CRIM1: variants seen among roughly 807,000 people sequenced by gnomAD.
CRIM1 encodes the protein cysteine-rich motor neuron 1 protein.
CRIM1 carries 32 observed loss-of-function variants against 116.4 expected under a neutral mutation model. The ratio of observed to expected loss-of-function variants is 0.27; its 90% CI spans 0.21 to 0.37. The LOEUF (loss-of-function observed/expected upper bound fraction) is 0.37, where lower values mean the gene tolerates loss of function less well. Ranked by LOEUF, CRIM1 falls within the 10% of genes least tolerant of loss-of-function variation. CRIM1 has a pLI of 1.00. For missense variants in CRIM1, 1,331 were observed against 1,354.8 expected (o/e 0.98, Z 0.28); for synonymous variants, 590 against 509.2 (o/e 1.16, Z -2.13).
intron 1 of CRIM1, among the ~76,000 whole-genome samples, chr2:36,368,210 G>A (rs1460958395): frequency 1.3e-5 from 2 of 152,208 alleles, no homozygotes; most frequent in South Asian, 2.1e-4. Context: ...CTGGCCAAAC[G>A]TGGCATGTTG....
chr2:36,513,817 G>A, intron 11 of CRIM1, 52 bp downstream of exon 11: 1 of 1,524,070 alleles, frequency 6.6e-7, no homozygotes, highest in Non-Finnish European at 9.0e-7. Context: ...CTTCTGCCTT[G>A]CAGGGCCCTA....
chr2:36,529,874 GAAATA>G (rs1360603739), intron 13 of CRIM1, among the ~76,000 whole-genome samples: 2 of 147,526 alleles, frequency 1.4e-5, no homozygotes, highest in Admixed American at 6.7e-5. Context: ...AGAAATAAAT[GAAATA>G]AAATAAAACA....
At chr2:36,462,394 T>C (rs1184574321) in intron 4 of CRIM1, among the ~76,000 whole-genome samples, 1 of 152,180 alleles carries the variant, frequency 6.6e-6, no homozygotes, top group African/African-American at 2.4e-5. Flanking sequence ...GTTGGGAAAA[T>C]AGGTCAAACA....
At chr2:36,529,343 C>A (rs546433012) in intron 13 of CRIM1, 1 of 304,032 alleles carries the variant, frequency 3.3e-6, no homozygotes. Context: ...CCAATGGCTT[C>A]TACGTTAAGG....
intron 8 of CRIM1, among the ~76,000 whole-genome samples, chr2:36,509,311 G>A (rs1681647056): frequency 6.6e-6 from 1 of 152,192 alleles, no homozygotes; most frequent in Non-Finnish European, 1.5e-5. Flanking sequence ...GAGGTCAGGA[G>A]TTCAAGAAGA....
chr2:36,394,270 T>C (rs913069853), intron 1 of CRIM1, among the ~76,000 whole-genome samples: 5 of 152,228 alleles, frequency 3.3e-5, no homozygotes, highest in African/African-American at 1.2e-4. Context: ...ACAAGTTTTT[T>C]TTAATTCCTA....
At chr2:36,390,220 A>T (rs1047085718) in intron 1 of CRIM1, among the ~76,000 whole-genome samples, 1 of 152,238 alleles carries the variant, frequency 6.6e-6, no homozygotes, top group Non-Finnish European at 1.5e-5. Context: ...TTATAAAGCA[A>T]ATAAAAAAAC....
chr2:36,549,298 A>G lies in CRIM1; in HGVS notation c.*597A>G, dbSNP rs1667579718. Reference sequence around the variant, plus strand: ...CTATACAGTCACAACTGCAGTAGGCAGTGAGGAAGCCAGAGAAATGCGATA... The same window carrying G: ...CTATACAGTCACAACTGCAGTAGGCGGTGAGGAAGCCAGAGAAATGCGATA... On this transcript the variant is annotated 3_prime_UTR_variant, in exon 17 of 17. Coordinates refer to ENST00000280527, the MANE Select transcript of CRIM1 (RefSeq NM_016441.3). 1 of 152,710 alleles carries G rather than the reference A, an allele frequency of 6.5e-6. No individual in the cohort carries two copies. 9.5% of individuals were successfully genotyped at this position (152,710 alleles called of 1,614,324 possible). A position where few individuals can be genotyped will look rare whatever the true frequency, so the allele number is the denominator to read the frequency against.
At chr2:36,440,188 T>G (rs1675690205) in intron 2 of CRIM1, among the ~76,000 whole-genome samples, 1 of 152,196 alleles carries the variant, frequency 6.6e-6, no homozygotes, top group Non-Finnish European at 1.5e-5. Context: ...GCCAGGTCAC[T>G]TAAGCTCTGG....
rs183690059 is a variant in CRIM1, at chr2:36,441,153, C to T, written c.506-105C>T. ...GTTTACACTGAATTTCTTTCCCTAC[C>T]GTCCTCTTTGGCTACTTAAATAGAT... On this transcript the variant is annotated intron_variant, in intron 2 of 16. Coordinates refer to ENST00000280527, the MANE Select transcript of CRIM1 (RefSeq NM_016441.3). 3.3e-4 allele frequency: 471 copies of T among 1,442,222 alleles called. 2 individuals carry two copies. In the East Asian group the frequency reaches 7.5e-3, roughly 23 times the overall value. 89.3% of individuals were successfully genotyped at this position (1,442,222 alleles called of 1,614,324 possible).
intron 14 of CRIM1, among the ~76,000 whole-genome samples, 197 bp downstream of exon 14, chr2:36,537,743 G>T (rs1325510798): frequency 2.6e-5 from 4 of 152,218 alleles, no homozygotes. Context: ...GCAGATTTTG[G>T]TTCCATGCCA....
At chr2:36,527,058 G>T (rs1665806490) in intron 13 of CRIM1, among the ~76,000 whole-genome samples, 1 of 152,060 alleles carries the variant, frequency 6.6e-6, no homozygotes, top group Non-Finnish European at 1.5e-5. Flanking sequence ...TTCAAGGTCA[G>T]ATTTTTAAAG....
intron 16 of CRIM1, among the ~76,000 whole-genome samples, chr2:36,547,843 C>G (rs1422104536): frequency 6.6e-6 from 1 of 152,142 alleles, no homozygotes; most frequent in Non-Finnish European, 1.5e-5. Context: ...AATCATAATC[C>G]CTTCCAACTC....
At chr2:36,429,747 A>G (rs912746235) in intron 2 of CRIM1, among the ~76,000 whole-genome samples, 1 of 152,228 alleles carries the variant, frequency 6.6e-6, no homozygotes, top group African/African-American at 2.4e-5. Flanking sequence ...TTAGAAGCAC[A>G]CATCCTGAGG....
Position 36,542,025 on chromosome 2 carries a change from A to ATGAC in CRIM1, c.2624-2349_2624-2346dup, listed in dbSNP as rs1470873972. On this transcript the variant is annotated intron_variant, in intron 14 of 16. Coordinates refer to ENST00000280527, the MANE Select transcript of CRIM1 (RefSeq NM_016441.3). ...CCTTTTATGTTCAAATTAAAGGGAAATGACTCTCTTCCCTTGGACTTGAGG... is the reference window on the plus strand; with the variant it reads ...CCTTTTATGTTCAAATTAAAGGGAAATGACTGACTCTCTTCCCTTGGACTTGAGG... 3.9e-5 allele frequency among the ~76,000 whole-genome samples: 6 copies of ATGAC among 152,334 alleles called. No individual in the cohort carries two copies. The East Asian group carries it at 9.7e-4, about 25-fold the overall frequency.
chr2:36,534,444 GGAGA>G (rs1666367545), intron 13 of CRIM1, among the ~76,000 whole-genome samples: 1 of 141,824 alleles, frequency 7.1e-6, no homozygotes, highest in East Asian at 2.1e-4. Context: ...AGGAAGGGAG[GGAGA>G]GAGGGAGGGG....
intron 4 of CRIM1, among the ~76,000 whole-genome samples, chr2:36,462,204 C>G (rs1677633500): frequency 6.6e-6 from 1 of 151,444 alleles, no homozygotes; most frequent in African/African-American, 2.4e-5. Context: ...TTGTAAGGGA[C>G]TTTAAAAAAA....
intron 2 of CRIM1, among the ~76,000 whole-genome samples, chr2:36,435,218 G>A (rs1675209355): frequency 6.6e-6 from 1 of 152,106 alleles, no homozygotes; most frequent in Admixed American, 6.5e-5. Flanking sequence ...TTGACTTTGT[G>A]TTCTACCTAC....
chr2:36,360,564 A>G (rs555809237), intron 1 of CRIM1, among the ~76,000 whole-genome samples: 53 of 152,262 alleles, frequency 3.5e-4, no homozygotes, highest in African/African-American at 1.3e-3. Flanking sequence ...GGGTACTTAC[A>G]GCAAAAAACA....
Sources: allele counts gnomAD v4.1 joint callset (sites outside exome capture counted in the v4.1 genomes callset), GRCh38; gene constraint gnomAD v4.1.1; transcripts MANE v1.5; gene names NCBI Gene and HGNC (gene_info 2026-07-23, HGNC 2026-07-21).